EYS: variants seen among roughly 807,000 people sequenced by gnomAD.
EYS encodes EGF-like photoreceptor maintenance factor, also known as protein eyes shut homolog.
In EYS, 250 loss-of-function variants were observed where a neutral mutation model predicts 282.1. That is an observed-to-expected ratio of 0.89 (90% CI 0.80 to 0.98). The LOEUF is 0.98. EYS is among the 50% of genes least tolerant of loss of function. The pLI is 0.00. For missense variants in EYS, 4,016 were observed against 3,709.0 expected (o/e 1.08, Z -2.15); for synonymous variants, 1,355 against 1,282.9 (o/e 1.06, Z -1.20).
chr6:64,588,319 T>G (rs561625294), intron 26 of EYS, among the ~76,000 whole-genome samples: 1 of 152,186 alleles, frequency 6.6e-6, no homozygotes, highest in South Asian at 2.1e-4. Flanking sequence ...CTCTAATACA[T>G]CAACATTTGC....
intron 2 of EYS, among the ~76,000 whole-genome samples, chr6:65,544,003 T>A (rs1035168703): frequency 2.4e-5 from 3 of 124,886 alleles, no homozygotes; most frequent in South Asian, 2.5e-4. Flanking sequence ...AAAGAGAAAG[T>A]GTGTGTGTGT....
chr6:65,596,903 C>G (rs569332813), intron 2 of EYS, among the ~76,000 whole-genome samples: 1 of 151,632 alleles, frequency 6.6e-6, no homozygotes, highest in Non-Finnish European at 1.5e-5. Flanking sequence ...CTAACAGAAC[C>G]AAGTCATTAA....
At chr6:64,947,996 T>A (rs531281915) in intron 14 of EYS, among the ~76,000 whole-genome samples, 1 of 151,850 alleles carries the variant, frequency 6.6e-6, no homozygotes, top group Non-Finnish European at 1.5e-5. Context: ...TTCAGTCAAA[T>A]TTTTCCTATT....
At chr6:65,056,465 A>C (rs1773418881) in intron 13 of EYS, among the ~76,000 whole-genome samples, 6 of 151,992 alleles carry the variant, frequency 3.9e-5, no homozygotes, top group Admixed American at 3.9e-4. Flanking sequence ...GCTGGCATGC[A>C]CCTGTAGTCC....
intron 13 of EYS, among the ~76,000 whole-genome samples, chr6:65,012,183 A>T (rs972167558): frequency 7.2e-5 from 11 of 152,216 alleles, no homozygotes; most frequent in Non-Finnish European, 1.5e-4. Context: ...AAATGTAATT[A>T]TATAAAGTGG....
chr6:65,610,232 T>C (rs1582515479), intron 2 of EYS, among the ~76,000 whole-genome samples: 1 of 152,088 alleles, frequency 6.6e-6, no homozygotes, highest in East Asian at 1.9e-4. Context: ...TATTTGTTGG[T>C]GGTTTTTCTT....
intron 28 of EYS, among the ~76,000 whole-genome samples, chr6:64,391,722 G>A (rs1282777063): frequency 1.3e-5 from 2 of 151,786 alleles, no homozygotes; most frequent in Admixed American, 6.6e-5. Flanking sequence ...ATCAACTAAC[G>A]AGCAAAATAA....
chr6:64,581,942 A>G (rs1181223292), intron 26 of EYS, among the ~76,000 whole-genome samples: 1 of 152,192 alleles, frequency 6.6e-6, no homozygotes, highest in Non-Finnish European at 1.5e-5. Flanking sequence ...TGAAATCTGA[A>G]CTTTTCTGAG....
At chr6:64,344,083 A>G (rs1771258610) in intron 29 of EYS, among the ~76,000 whole-genome samples, 1 of 152,144 alleles carries the variant, frequency 6.6e-6, no homozygotes, top group South Asian at 2.1e-4. Context: ...CAACCAAAAA[A>G]AAGTCCAGGA....
intron 15 of EYS, among the ~76,000 whole-genome samples, chr6:64,917,404 T>C (rs1471437430): frequency 1.3e-5 from 2 of 152,212 alleles, no homozygotes; most frequent in African/African-American, 4.8e-5. Context: ...ATATATTTTG[T>C]ATATTAAGGC....
intron 12 of EYS, among the ~76,000 whole-genome samples, chr6:65,164,851 T>C (rs374488024): frequency 6.6e-6 from 1 of 151,222 alleles, no homozygotes; most frequent in Non-Finnish European, 1.5e-5. Flanking sequence ...AGTCTCTGCC[T>C]TCATCTTCAT....
intron 12 of EYS, among the ~76,000 whole-genome samples, chr6:65,224,253 G>A (rs186221684): frequency 1.3e-5 from 2 of 151,832 alleles, no homozygotes; most frequent in East Asian, 3.9e-4. Flanking sequence ...TAGATAAAAG[G>A]AACAAAAAAG....
intron 33 of EYS, among the ~76,000 whole-genome samples, chr6:64,064,141 T>C (rs1331231504): frequency 6.6e-6 from 1 of 152,214 alleles, no homozygotes; most frequent in East Asian, 1.9e-4. Flanking sequence ...TCATGTTTCT[T>C]TCATTAACAA....
chr6:65,452,835 G>T, intron 5 of EYS, among the ~76,000 whole-genome samples: 1 of 152,020 alleles, frequency 6.6e-6, no homozygotes, highest in Non-Finnish European at 1.5e-5. Flanking sequence ...CAGAGAAGAT[G>T]TAAATTTGTT....
intron 24 of EYS, among the ~76,000 whole-genome samples, chr6:64,606,537 A>T (rs1031792420): frequency 5.9e-5 from 9 of 152,060 alleles, no homozygotes; most frequent in African/African-American, 1.9e-4. Context: ...CAATGAATAC[A>T]CTGATCATTT....
intron 13 of EYS, among the ~76,000 whole-genome samples, chr6:65,011,740 T>G (rs1448722558): frequency 6.6e-6 from 1 of 152,158 alleles, no homozygotes; most frequent in African/African-American, 2.4e-5. Context: ...GGCTTGCAAC[T>G]TAATTCACAC....
At chr6:65,027,450 G>A (rs568127185) in intron 13 of EYS, among the ~76,000 whole-genome samples, 13 of 152,264 alleles carry the variant, frequency 8.5e-5, no homozygotes, top group African/African-American at 2.9e-4. Flanking sequence ...TGTACAATAA[G>A]TTATTACTTA....
chr6:64,741,357 G>T (rs1485202175), intron 22 of EYS, among the ~76,000 whole-genome samples: 1 of 152,118 alleles, frequency 6.6e-6, no homozygotes, highest in South Asian at 2.1e-4. Context: ...CAAATGTGCT[G>T]TCATCCACGC....
intron 26 of EYS, among the ~76,000 whole-genome samples, chr6:64,574,237 G>A (rs556348704): frequency 6.6e-6 from 1 of 152,148 alleles, no homozygotes; most frequent in South Asian, 2.1e-4. Flanking sequence ...GGGAACACAG[G>A]GACACAGGGA....
Sources: allele counts gnomAD v4.1 joint callset (sites outside exome capture counted in the v4.1 genomes callset), GRCh38; gene constraint gnomAD v4.1.1; transcripts MANE v1.5; gene names NCBI Gene and HGNC (gene_info 2026-07-23, HGNC 2026-07-21).